Variants in URB1 observed in about 807,000 individuals in gnomAD.
URB1 encodes the protein URB1 ribosome biogenesis factor, also known as nucleolar pre-ribosomal-associated protein 1.
In URB1, 197 loss-of-function variants were observed where a neutral mutation model predicts 242.3. That is an observed-to-expected ratio of 0.81 (90% CI 0.72 to 0.91). The LOEUF is 0.91. URB1 is among the 40% of genes least tolerant of loss of function. The pLI is 0.00. For missense variants in URB1, 2,721 were observed against 2,860.5 expected (o/e 0.95, Z 1.11); for synonymous variants, 1,153 against 1,201.8 (o/e 0.96, Z 0.84).
intron 14 of URB1, 34 bp from the exon 15 acceptor site, chr21:32,357,690 T>C (rs1370395324): frequency 7.4e-7 from 1 of 1,358,592 alleles, no homozygotes; most frequent in Admixed American, 3.4e-5. Flanking sequence ...ATTTTTAGTA[T>C]ATATAATTAC....
Position 32,347,682 on chromosome 21 carries a change from A to C in URB1, c.3142T>G (p.Phe1048Val). 1 of 1,551,486 alleles carries C rather than the reference A, an allele frequency of 6.4e-7. No individual in the cohort carries two copies. The highest frequency in any genetic ancestry group is 8.7e-7 in the Non-Finnish European group (1 of 1,147,000). Reference sequence around the variant, plus strand: ...AGCAGCTGAAGGACCCCTGCACTAAAGTGGGTGGCCAGGAGCTTCACGAGG... The same window carrying C: ...AGCAGCTGAAGGACCCCTGCACTAACGTGGGTGGCCAGGAGCTTCACGAGG... ...PVLVKLLATH[F>V]SAGVLQLLAA... Residue 1048 changes from phenylalanine to valine, a missense_variant, in exon 22 of 39, where the codon TTT becomes GTT. Phe to Val is a conservative substitution (Grantham distance 50). Transcript: ENST00000382751.
chr21:32,343,529 G>T (rs1229433100), intron 24 of URB1, among the ~76,000 whole-genome samples: 1 of 152,134 alleles, frequency 6.6e-6, no homozygotes, highest in Non-Finnish European at 1.5e-5. Context: ...GGAGGGAAGG[G>T]GATTTTGAGA....
At position 32,354,225 on chromosome 21, in the gene URB1, G is replaced by T. The variant is rs538094846; in HGVS notation, c.2246-122C>A. 5.3e-6 allele frequency: 6 copies of T among 1,122,816 alleles called. No homozygotes were observed. The African/African-American group carries it at 7.9e-5, about 15-fold the overall frequency. 69.6% of individuals were successfully genotyped at this position (1,122,816 alleles called of 1,614,324 possible). On this transcript the variant is annotated intron_variant, in intron 17 of 38. Transcript: ENST00000382751. Reference sequence around the variant, plus strand: ...AGAAAAAAGCCAAATTCCTCTTGGGGGGAGCATTTAACATAGTTTGACCCT... The same window carrying T: ...AGAAAAAAGCCAAATTCCTCTTGGGTGGAGCATTTAACATAGTTTGACCCT...
Position 32,319,254 on chromosome 21 carries a change from A to G in URB1, c.5755T>C (p.Phe1919Leu), listed in dbSNP as rs1373976314. ...ATGAGCACGATGAGAACATAAAGGA[A>G]CTCATTGACCAGGTGCAGGGCAAGC... ...KRLALHLVNE[F>L]LYVLIVLMKH... is the part of the protein sequence containing the mutation. Residue 1919 changes from phenylalanine (F) to leucine (L), a missense_variant, in exon 36 of 39, where the codon TTC becomes CTC. Coordinates refer to ENST00000382751, the MANE Select transcript of URB1 (RefSeq NM_014825.3). The G allele has an allele frequency of 6.4e-7, 1 of 1,550,990 alleles. No individual in the cohort carries two copies. The highest frequency in any genetic ancestry group is 1.2e-5 in the South Asian group (1 of 83,938).
rs1392820343 is a variant in URB1, at chr21:32,355,482, C to T, written c.2073G>A (p.Glu691=). The change falls in exon 16 of 39, where the codon GAG becomes GAA. Residue 691 remains glutamate (E), a synonymous_variant. Transcript: ENST00000382751. The part of the protein sequence containing the change: ...WLEHLENTME[E]DKETVIQFLE... ...GAAACTGAATCACAGTCTCTTTGTCCTCTTCCATGGTGTTCTCTAAATGCT... is the reference window on the plus strand; with the variant it reads ...GAAACTGAATCACAGTCTCTTTGTCTTCTTCCATGGTGTTCTCTAAATGCT... The T allele has an allele frequency of 1.3e-6, 2 of 1,551,858 alleles. No individual in the cohort carries two copies. Among genetic ancestry groups the T allele is most frequent in the Admixed American group, 3.9e-5 (2 of 51,006 alleles).
Position 32,352,808 on chromosome 21 carries a change from T to C in URB1, c.2515A>G (p.Lys839Glu), listed in dbSNP as rs1389596600. 1.3e-6 allele frequency: 2 copies of C among 1,551,560 alleles called. No homozygotes were observed. The highest frequency in any genetic ancestry group is 1.7e-4 in the Middle Eastern group (1 of 6,014). The change falls in exon 19 of 39, where the codon AAG (lysine) becomes GAG (glutamate). Residue 839 changes from lysine (K) to glutamate (E), a missense_variant. Transcript: ENST00000382751. Reference protein sequence around the residue: ...ALCLLLQAYDKLEPPCLVPCC... With the variant: ...ALCLLLQAYDELEPPCLVPCC... Reference sequence around the variant, plus strand: ...GGCACCAGGCATGGAGGCTCAAGCTTATCATATGCCTGGAGCAGGAGACAC... The same window carrying C: ...GGCACCAGGCATGGAGGCTCAAGCTCATCATATGCCTGGAGCAGGAGACAC...
chr21:32,328,294 T>C (rs952120102), intron 30 of URB1, among the ~76,000 whole-genome samples: 2 of 152,172 alleles, frequency 1.3e-5, no homozygotes, highest in African/African-American at 4.8e-5. Context: ...TGTGCCACCA[T>C]GCCCAGCTAA....
intron 5 of URB1, among the ~76,000 whole-genome samples, chr21:32,375,983 A>T (rs559287945): frequency 3.3e-5 from 5 of 152,242 alleles, no homozygotes; most frequent in African/African-American, 1.2e-4. Context: ...AACAAAACAA[A>T]AAGGAAGAAA....
rs552054466 is a variant in URB1 at position 32,352,799 on chromosome 21, G to A, written c.2524C>T (p.Pro842Ser). The A allele has an allele frequency of 1.9e-6, 3 of 1,551,714 alleles. No individual in the cohort carries two copies. Residue 842 changes from proline (P) to serine (S), a missense_variant, in exon 19 of 39, where the codon CCT (proline) becomes TCT (serine). Coordinates refer to ENST00000382751, the MANE Select transcript of URB1 (RefSeq NM_014825.3). ...TGGCAGCAAGGCACCAGGCATGGAG[G>A]CTCAAGCTTATCATATGCCTGGAGC... ...LLLQAYDKLE[P>S]PCLVPCCQQL...
rs1191241879 is a variant in URB1 at position 32,316,938 on chromosome 21, T to C, written c.6162A>G (p.Thr2054=). The change falls in exon 38 of 39, where the codon ACA becomes ACG. Residue 2054 remains threonine (T), a synonymous_variant. Transcript: ENST00000382751. ...AGATGGACCTCAGGAGGCCCTTGCA[T>C]GTCTCCAAGGTAGATGCCATCAGCT... is the stretch of plus-strand genomic sequence containing the variant. ...DPELMASTLE[T]CKGLLRSILT... 2 of 1,551,604 alleles carry C rather than the reference T, an allele frequency of 1.3e-6. No individual in the cohort carries two copies. The highest frequency in any genetic ancestry group is 1.7e-6 in the Non-Finnish European group (2 of 1,146,998).
intron 8 of URB1, among the ~76,000 whole-genome samples, chr21:32,369,443 G>A (rs959381537): frequency 1.3e-5 from 2 of 151,976 alleles, no homozygotes; most frequent in African/African-American, 4.8e-5. Context: ...CTTGAAAGGG[G>A]GATTTGTTTT....
chr21:32,357,736 C>T, intron 14 of URB1, 80 bp from the exon 15 acceptor site: 1 of 1,118,360 alleles, frequency 8.9e-7, no homozygotes. Context: ...ATATTAGAAA[C>T]ATACCATGGG....
In URB1 at chr21:32,334,348, AG is replaced by A; in HGVS notation, c.4686-15del. 1 of 1,534,590 alleles carries A rather than the reference AG, an allele frequency of 6.5e-7. No individual in the cohort carries two copies. The highest frequency in any genetic ancestry group is 8.8e-7 in the Non-Finnish European group (1 of 1,135,514). ...CACAGCAGCACCCTAGAGCCAGAAA[AG>A]GGAAAAGAGACTGGTCACAGAGCCC... is the stretch of plus-strand genomic sequence containing the variant. On this transcript the variant is annotated splice_polypyrimidine_tract_variant and intron_variant, in intron 28 of 38. Coordinates refer to ENST00000382751, the MANE Select transcript of URB1 (RefSeq NM_014825.3).
At chr21:32,336,589 C>T (rs6517094) in intron 28 of URB1, among the ~76,000 whole-genome samples, 23,404 of 152,112 alleles carry the variant, frequency 0.15, 2,164 homozygotes, top group African/African-American at 0.26. Context: ...CCAAAGCCCA[C>T]CTGACCAAAA....
Position 32,316,359 on chromosome 21 carries a change from G to T in URB1, c.6634+107C>A, listed in dbSNP as rs538096366. 8 of 1,427,138 alleles carry T rather than the reference G, an allele frequency of 5.6e-6. No individual in the cohort carries two copies. The African/African-American group carries it at 1.0e-4, about 18-fold the overall frequency. 88.4% of individuals were successfully genotyped at this position (1,427,138 alleles called of 1,614,324 possible). On this transcript the variant is annotated intron_variant, in intron 38 of 38. Coordinates refer to ENST00000382751, the MANE Select transcript of URB1 (RefSeq NM_014825.3). ...ACCTAAACAAGCACAATACCCAGCT[G>T]AGGAAGTCAGCAGAAACCTGAGTGT...
At chr21:32,326,056 A>AGACT (rs1218050573) in intron 30 of URB1, among the ~76,000 whole-genome samples, 1 of 152,098 alleles carries the variant, frequency 6.6e-6, no homozygotes, top group Non-Finnish European at 1.5e-5. Context: ...GGAGAGGAGA[A>AGACT]GACTCACAGA....
intron 5 of URB1, 79 bp from the exon 6 acceptor site, chr21:32,375,562 G>C: frequency 1.2e-6 from 1 of 822,880 alleles, no homozygotes; most frequent in Non-Finnish European, 1.8e-6. Flanking sequence ...TACTGTTTAG[G>C]TGGTACAGCA....
intron 4 of URB1, among the ~76,000 whole-genome samples, chr21:32,379,327 G>A (rs1471574612): frequency 6.6e-6 from 1 of 152,238 alleles, no homozygotes; most frequent in Non-Finnish European, 1.5e-5. Flanking sequence ...GAACTAGCAG[G>A]TGTGCCTGGA....
chr21:32,346,612 G>A (rs1448867263), intron 22 of URB1, among the ~76,000 whole-genome samples: 1 of 152,164 alleles, frequency 6.6e-6, no homozygotes, highest in East Asian at 1.9e-4. Context: ...GGGAACCCTG[G>A]GACATGGGAT....
Sources: allele counts gnomAD v4.1 joint callset (sites outside exome capture counted in the v4.1 genomes callset), GRCh38; gene constraint gnomAD v4.1.1; transcripts MANE v1.5; gene names NCBI Gene and HGNC (gene_info 2026-07-23, HGNC 2026-07-21).